The following WSCD2 variants were observed in gnomAD, a reference collection of about 807,000 sequenced individuals.
WSCD2 encodes sialate:O-sulfotransferase 2.
WSCD2 carries 28 observed loss-of-function variants against 55.7 expected under a neutral mutation model. The ratio of observed to expected loss-of-function variants is 0.50; its 90% CI spans 0.37 to 0.69. The LOEUF is 0.69. WSCD2 is among the 30% of genes least tolerant of loss of function. The probability of loss-of-function intolerance (pLI) is 0.00; values close to 1 mark genes in which losing one functional copy is unlikely to be tolerated. For missense variants in WSCD2, 616 were observed against 762.1 expected, an observed-to-expected ratio of 0.81 and a Z score of 2.26; for synonymous variants, 301 against 301.9, an observed-to-expected ratio of 1.00 and a Z score of 0.03.
intron 3 of WSCD2, among the ~76,000 whole-genome samples, chr12:108,207,243 T>C (rs936441207): frequency 1.3e-5 from 2 of 152,214 alleles, no homozygotes; most frequent in Non-Finnish European, 2.9e-5. Flanking sequence ...GGCTCTAATA[T>C]GCTCACCTTC....
chr12:108,204,059 CAGAT>C (rs1214731429), intron 2 of WSCD2, among the ~76,000 whole-genome samples: 4 of 152,184 alleles, frequency 2.6e-5, no homozygotes, highest in Non-Finnish European at 5.9e-5. Context: ...CTAAGGTAAA[CAGAT>C]AGAAGAGTCA....
chr12:108,162,925 G>C (rs1185246288), intron 1 of WSCD2, among the ~76,000 whole-genome samples: 1 of 152,166 alleles, frequency 6.6e-6, no homozygotes, highest in East Asian at 1.9e-4. Context: ...TCTTGTGCCA[G>C]CCTCTGTGTT....
chr12:108,248,643 T>G lies in WSCD2; in HGVS notation c.*300T>G. ...GGGTCCCTGCCCCCACCACTCTGGG[T>G]TCCATTTGTGGGAGGGAGGGCTCAT... On this transcript the variant is annotated 3_prime_UTR_variant, in exon 9 of 9. Transcript: ENST00000547525. The surrounding 1 kb of genome is among the most constrained non-coding windows in gnomAD (Gnocchi z 4.3). 8.9e-7 allele frequency: 1 copy of G among 1,118,364 alleles called. No homozygotes were observed. Among genetic ancestry groups the G allele is most frequent in the Non-Finnish European group, 1.1e-6 (1 of 911,046 alleles). The allele number at this position is 1,118,364 out of a possible 1,614,324, so 69.3% of individuals were successfully genotyped here.
At chr12:108,136,069 A>G (rs573408038) in intron 1 of WSCD2, among the ~76,000 whole-genome samples, 1 of 152,294 alleles carries the variant, frequency 6.6e-6, no homozygotes, top group African/African-American at 2.4e-5. Flanking sequence ...CGGCTGTATC[A>G]TTGTGAGTCA....
intron 1 of WSCD2, among the ~76,000 whole-genome samples, chr12:108,150,290 G>A (rs1447528206): frequency 6.6e-6 from 1 of 152,176 alleles, no homozygotes; most frequent in Non-Finnish European, 1.5e-5. Flanking sequence ...CCTCTGGGCA[G>A]AGAATGGAGT....
intron 1 of WSCD2, among the ~76,000 whole-genome samples, chr12:108,169,789 G>T (rs1880038400): frequency 6.6e-6 from 1 of 152,194 alleles, no homozygotes; most frequent in Non-Finnish European, 1.5e-5. Flanking sequence ...ACCTCCCTGG[G>T]TGAGAGGAAA....
chr12:108,159,553 G>C (rs981911614), intron 1 of WSCD2, among the ~76,000 whole-genome samples: 4 of 152,208 alleles, frequency 2.6e-5, no homozygotes, highest in Non-Finnish European at 5.9e-5. Context: ...CCAGCACACA[G>C]AGTCTGGCAC....
chr12:108,159,704 T>C (rs1460282384), intron 1 of WSCD2, among the ~76,000 whole-genome samples: 4 of 152,232 alleles, frequency 2.6e-5, no homozygotes, highest in Non-Finnish European at 5.9e-5. Context: ...GCTCTTGGAC[T>C]GTGAGTTGGT....
At chr12:108,231,664 A>G (rs1278821158) in intron 6 of WSCD2, among the ~76,000 whole-genome samples, 1 of 152,198 alleles carries the variant, frequency 6.6e-6, no homozygotes, top group Non-Finnish European at 1.5e-5. Context: ...CCCAGTCACC[A>G]TTCTACCCAT....
At position 108,163,185 on chromosome 12, in the gene WSCD2, T is replaced by C. The variant is rs1368628859; in HGVS notation, c.-551-32097T>C. 2.6e-5 allele frequency among the ~76,000 whole-genome samples: 4 copies of C among 152,164 alleles called. No homozygotes were observed. The South Asian group carries it at 6.2e-4, about 24-fold the overall frequency. On this transcript the variant is annotated intron_variant, in intron 1 of 8. Transcript: ENST00000547525. The stretch of plus-strand genomic sequence containing the variant: ...GTCTATACCATCCTCCTGGCTAGCA[T>C]GGTGAAATCCCGTCTCTACTAAAAA...
intron 4 of WSCD2, among the ~76,000 whole-genome samples, chr12:108,216,290 T>TGGACAGCAACTGAG (rs1385940549): frequency 2.6e-5 from 4 of 152,246 alleles, no homozygotes; most frequent in Non-Finnish European, 4.4e-5. Flanking sequence ...CATAGGTTGC[T>TGGACAGCAACTGAG]GTGAGGATTA....
At chr12:108,212,576 C>A (rs1886331125) in intron 4 of WSCD2, among the ~76,000 whole-genome samples, 2 of 149,210 alleles carry the variant, frequency 1.3e-5, no homozygotes, top group Non-Finnish European at 3.0e-5. Context: ...CTTCCGCTGT[C>A]TCTCCACCCC....
At chr12:108,233,211 C>A (rs912202775) in intron 7 of WSCD2, 3 of 230,076 alleles carry the variant, frequency 1.3e-5, no homozygotes, top group African/African-American at 6.6e-5. Flanking sequence ...CTACTGTGTG[C>A]TGGTACCTCA....
chr12:108,132,345 C>T (rs772986879), intron 1 of WSCD2, among the ~76,000 whole-genome samples: 10 of 152,232 alleles, frequency 6.6e-5, no homozygotes, highest in Middle Eastern at 3.4e-3. Flanking sequence ...TGTGTGGACA[C>T]GTGTGTGAAT....
intron 1 of WSCD2, among the ~76,000 whole-genome samples, chr12:108,153,955 C>T (rs1878272031): frequency 6.6e-6 from 1 of 152,070 alleles, no homozygotes; most frequent in East Asian, 1.9e-4. Context: ...GGTGGTACTG[C>T]TTGCCTTGAT....
chr12:108,156,250 C>G lies in WSCD2; in HGVS notation c.-552+26324C>G, dbSNP rs369820297. On this transcript the variant is annotated intron_variant, in intron 1 of 8. Transcript: ENST00000547525. ...AGGCAGGCTCAGGTCCGTGTCCTGGCCCCACCACTTAGCATCAGGCAACCT... is the reference window on the plus strand; with the variant it reads ...AGGCAGGCTCAGGTCCGTGTCCTGGGCCCACCACTTAGCATCAGGCAACCT... Among the ~76,000 whole-genome samples, 20 of 152,282 alleles carry G rather than the reference C, an allele frequency of 1.3e-4. No homozygotes were observed. The South Asian group carries it at 4.2e-3, about 32-fold the overall frequency.
chr12:108,151,377 A>G (rs1877984746), intron 1 of WSCD2, among the ~76,000 whole-genome samples: 1 of 152,166 alleles, frequency 6.6e-6, no homozygotes, highest in South Asian at 2.1e-4. Flanking sequence ...GAGAGGGGGA[A>G]AAATTGGCCC....
intron 5 of WSCD2, among the ~76,000 whole-genome samples, chr12:108,226,158 G>A (rs1192588295): frequency 2.6e-5 from 4 of 152,074 alleles, no homozygotes; most frequent in Admixed American, 1.3e-4. Context: ...AGCCACACAA[G>A]TGTGACCCTG....
chr12:108,192,142 G>C (rs140418552), intron 1 of WSCD2, among the ~76,000 whole-genome samples: 104 of 152,324 alleles, frequency 6.8e-4, no homozygotes, highest in African/African-American at 2.4e-3. Context: ...GTGGCAAATG[G>C]CTTTCAAGTG....
Sources: allele counts gnomAD v4.1 joint callset (sites outside exome capture counted in the v4.1 genomes callset), GRCh38; gene constraint gnomAD v4.1.1; non-coding constraint Gnocchi (gnomAD v3.1); transcripts MANE v1.5; gene names NCBI Gene and HGNC (gene_info 2026-07-23, HGNC 2026-07-21).